Variants in TFAP2A observed in about 807,000 individuals in gnomAD.
TFAP2A encodes transcription factor AP-2-alpha.
TFAP2A carries 7 observed loss-of-function variants against 41.5 expected under a neutral mutation model. The observed-to-expected ratio is 0.17, with a 90% CI of 0.10 to 0.32. The LOEUF is 0.32. TFAP2A is among the 10% of genes least tolerant of loss of function. The pLI is 1.00. For missense variants in TFAP2A, 416 were observed against 563.3 expected (o/e 0.74, Z 2.65); for synonymous variants, 247 against 242.8 (o/e 1.02, Z -0.16).
intron 1 of TFAP2A, chr6:10,411,140 G>C (rs1307880781): frequency 6.1e-6 from 1 of 165,150 alleles, no homozygotes; most frequent in Non-Finnish European, 1.3e-5. Flanking sequence ...CAAAACAAGC[G>C]AAGAGAGTTG....
chr6:10,407,367 TAGAA>T (rs1757765981), intron 2 of TFAP2A: 1 of 154,618 alleles, frequency 6.5e-6, no homozygotes. Context: ...CATAAATTTT[TAGAA>T]AGACTACTGC....
intron 1 of TFAP2A, chr6:10,414,564 T>C (rs1340592976): frequency 2.4e-6 from 1 of 423,966 alleles, no homozygotes; most frequent in African/African-American, 2.0e-5. Flanking sequence ...TTCCTTTCTG[T>C]TCCTGGTGAC....
rs1647693167 is a variant in TFAP2A at position 10,409,975 on chromosome 6, C to G, written c.412G>C (p.Gly138Arg). ...AGTCCTGAGCTGAGCGCGTGTGGGC[C>G]GTGCAGGAGGTCCTCGTGCCGCCTG... Reference protein sequence around the residue: ...DYRRHEDLLHGPHALSSGLGD... With the variant: ...DYRRHEDLLHRPHALSSGLGD... Residue 138 changes from glycine (G) to arginine (R), a missense_variant, in exon 2 of 7, where the codon GGC becomes CGC. This residue lies in a region of TFAP2A where 241 missense variants were observed against 274.1 expected (regional missense o/e 0.88). Transcript: ENST00000379613. 6.3e-7 allele frequency: 1 copy of G among 1,590,160 alleles called. No individual in the cohort carries two copies. Among genetic ancestry groups the G allele is most frequent in the Non-Finnish European group, 8.6e-7 (1 of 1,168,234 alleles).
At position 10,398,404 on chromosome 6, in the gene TFAP2A, C is replaced by A. The variant is rs1393005080; in HGVS notation, c.*13G>T. On this transcript the variant is annotated 3_prime_UTR_variant, in exon 7 of 7. Transcript: ENST00000379613. The surrounding 1 kb of genome is among the most constrained non-coding windows in gnomAD (Gnocchi z 5.3). ...CTGGTGAGGCGTGGGAGGGGCGGGG[C>A]GGGAGGAGAGCCTCACTTTCTGTGC... 6.5e-6 allele frequency: 5 copies of A among 765,230 alleles called. No individual in the cohort carries two copies. The Admixed American group carries it at 1.3e-4, about 19-fold the overall frequency. 47.4% of individuals were successfully genotyped at this position (765,230 alleles called of 1,614,324 possible).
Position 10,404,659 on chromosome 6 carries a change from C to T in TFAP2A, c.619G>A (p.Val207Met), listed in dbSNP as rs1306008241. ...INKDNLFGGV[V>M]NPNEVFCSVP... ...GAACAGAAGACTTCGTTGGGGTTCA[C>T]CACGCCGCCGAAGAGGTTGTCCTTG... Residue 207 changes from valine to methionine, a missense_variant, in exon 4 of 7, where the codon GTG (valine) becomes ATG (methionine). Val to Met is a conservative substitution (Grantham distance 21). Around this residue, in one of 3 missense-constraint regions of TFAP2A, gnomAD observed 241 missense variants for 274.1 expected, o/e 0.88. Transcript: ENST00000379613. The T allele has an allele frequency of 6.2e-7, 1 of 1,614,072 alleles. No homozygotes were observed. Among genetic ancestry groups the T allele is most frequent in the Non-Finnish European group, 8.5e-7 (1 of 1,180,028 alleles).
rs1208677848 is a variant in TFAP2A at position 10,397,822 on chromosome 6, A to T, written c.*595T>A. On this transcript the variant is annotated 3_prime_UTR_variant, in exon 7 of 7. Coordinates refer to ENST00000379613, the MANE Select transcript of TFAP2A (RefSeq NM_001372066.1). ...GGTCGCTTTACCTTAAAGAGGAAAA[A>T]CTTCTACAACTGAAGACATGACATG... 9.1e-6 allele frequency: 9 copies of T among 985,650 alleles called. No homozygotes were observed. The highest frequency in any genetic ancestry group is 4.7e-5 in the South Asian group (1 of 21,298). 61.1% of individuals were successfully genotyped at this position (985,650 alleles called of 1,614,324 possible). A position where few individuals can be genotyped will look rare whatever the true frequency, so the allele number is the denominator to read the frequency against.
upstream of TFAP2A, chr6:10,416,385 TG>T (rs1758240936): frequency 6.6e-6 from 1 of 150,466 alleles, no homozygotes; most frequent in African/African-American, 2.5e-5. Context: ...CTGGGTCCTC[TG>T]GGGCTTTTAT....
chr6:10,411,687 CA>C, intron 1 of TFAP2A: 2 of 1,598,988 alleles, frequency 1.3e-6, no homozygotes, highest in Non-Finnish European at 1.7e-6. Flanking sequence ...GCGCCCCACA[CA>C]AAAGGCGCCG....
At chr6:10,416,745 T>TC (rs1343853685), upstream of TFAP2A, among the ~76,000 whole-genome samples, 2 of 152,148 alleles carry the variant, frequency 1.3e-5, no homozygotes, top group Non-Finnish European at 2.9e-5. Context: ...CTGGGAGAAC[T>TC]CCCCATTCCA....
intron 3 of TFAP2A, chr6:10,404,962 C>G: frequency 3.4e-6 from 2 of 596,048 alleles, no homozygotes; most frequent in Non-Finnish European, 3.0e-6. Flanking sequence ...TGCCCTCCCC[C>G]AGCCAGCCTG....
chr6:10,414,764 C>A (rs934510279), intron 1 of TFAP2A, 177 bp downstream of exon 1: 1 of 835,902 alleles, frequency 1.2e-6, no homozygotes, highest in South Asian at 1.5e-5. Context: ...GCATCCACGT[C>A]CTCTCTCTGC....
intron 3 of TFAP2A, chr6:10,406,282 A>T (rs1356183951): frequency 1.9e-5 from 3 of 156,748 alleles, no homozygotes; most frequent in Admixed American, 1.2e-4. Flanking sequence ...AATTTTAACC[A>T]AAAGCTAAAA....
At chr6:10,414,773 G>T (rs654351) in intron 1 of TFAP2A, 168 bp downstream of exon 1, 24 of 899,658 alleles carry the variant, frequency 2.7e-5, no homozygotes, top group Non-Finnish European at 3.4e-5. Context: ...TCCTCTCTCT[G>T]CAGCTTCTCC....
rs1453450023 is a variant in TFAP2A, at chr6:10,406,773, T to G, written c.538+20A>C. 1.9e-6 allele frequency: 3 copies of G among 1,604,648 alleles called. No individual in the cohort carries two copies. In the Admixed American group the frequency reaches 5.0e-5, roughly 27 times the overall value. ...TCTGCCTGTAAGGACATGCTTGGAA[T>G]GCAGAAGGAAATGGCTTACCTTTCT... On this transcript the variant is annotated intron_variant, in intron 3 of 6. Transcript: ENST00000379613.
chr6:10,415,009 T>C lies in TFAP2A; in HGVS notation c.-18A>G, dbSNP rs761453420. Reference sequence around the variant, plus strand: ...ATTTTCATGGATCGGCGTGAACGGATATGCCCCTCTCGGTCTCGCACCCAA... The same window carrying C: ...ATTTTCATGGATCGGCGTGAACGGACATGCCCCTCTCGGTCTCGCACCCAA... On this transcript the variant is annotated 5_prime_UTR_variant, in exon 1 of 7. In the 5' UTR this introduces an upstream ATG that the reference lacks. Coordinates refer to ENST00000379613, the MANE Select transcript of TFAP2A (RefSeq NM_001372066.1). 2 of 1,614,062 alleles carry C rather than the reference T, an allele frequency of 1.2e-6. No individual in the cohort carries two copies. The highest frequency in any genetic ancestry group is 1.7e-6 in the Non-Finnish European group (2 of 1,180,026).
Position 10,398,813 on chromosome 6 carries a change from C to T in TFAP2A, c.1032-108G>A. ...GCAGCTACCTCTGCCGGGATCCAGC[C>T]GGTACCTGACATGACCCAAGACCCC... On this transcript the variant is annotated intron_variant, in intron 6 of 6. Coordinates refer to ENST00000379613, the MANE Select transcript of TFAP2A (RefSeq NM_001372066.1). The surrounding 1 kb of genome is among the most constrained non-coding windows in gnomAD (Gnocchi z 5.3). 11 of 1,344,260 alleles carry T rather than the reference C, an allele frequency of 8.2e-6. No individual in the cohort carries two copies. Among genetic ancestry groups the T allele is most frequent in the South Asian group, 1.3e-5 (1 of 74,622 alleles). 83.3% of individuals were successfully genotyped at this position (1,344,260 alleles called of 1,614,324 possible).
rs576989721 is a variant in TFAP2A at position 10,412,207 on chromosome 6, G to C, written c.52-1872C>G. 774 of 987,246 alleles carry C rather than the reference G, an allele frequency of 7.8e-4. 15 individuals are homozygous for C. In the Admixed American group the frequency reaches 0.027, roughly 35 times the overall value. 61.2% of individuals were successfully genotyped at this position (987,246 alleles called of 1,614,324 possible). A position where few individuals can be genotyped will look rare whatever the true frequency, so the allele number is the denominator to read the frequency against. On this transcript the variant is annotated intron_variant, in intron 1 of 6. Transcript: ENST00000379613. ...AGCGCGAGAGACAAAAAGCGAGCGA[G>C]AGAGGGAGCGGGCGAGCGCGCGGGG...
At chr6:10,411,719 A>ACT in intron 1 of TFAP2A, 1 of 1,550,400 alleles carries the variant, frequency 6.4e-7, no homozygotes, top group Non-Finnish European at 8.7e-7. Flanking sequence ...GCCACCCAGG[A>ACT]CTCCAGTCAC....
chr6:10,411,600 C>A, intron 1 of TFAP2A: 2 of 1,613,986 alleles, frequency 1.2e-6, no homozygotes, highest in Non-Finnish European at 1.7e-6. Flanking sequence ...CTAACATCTG[C>A]GAAGAGTCTG....
Sources: allele counts gnomAD v4.1 joint callset (sites outside exome capture counted in the v4.1 genomes callset), GRCh38; gene constraint gnomAD v4.1.1; regional missense constraint gnomAD v4.1.1; non-coding constraint Gnocchi (gnomAD v3.1); transcripts MANE v1.5; gene names NCBI Gene and HGNC (gene_info 2026-07-23, HGNC 2026-07-21).